The following XYLT1 variants were observed in gnomAD, a reference collection of about 807,000 sequenced individuals.
XYLT1 encodes xylosyltransferase 1.
A neutral mutation model predicts 91.3 loss-of-function variants in XYLT1; 36 were observed. That is an observed-to-expected ratio of 0.39 (90% CI 0.30 to 0.52). XYLT1 has a LOEUF of 0.52. Among genes scored for constraint, XYLT1 ranks in the 20% least tolerant of loss-of-function variants. The pLI is 0.68. For synonymous variants in XYLT1, 588 were observed against 532.0 expected, an observed-to-expected ratio of 1.11 and a Z score of -1.45; for missense variants, 1,242 against 1,284.5, an observed-to-expected ratio of 0.97 and a Z score of 0.51.
At chr16:17,212,367 T>C (rs1420370330) in intron 3 of XYLT1, among the ~76,000 whole-genome samples, 2 of 152,200 alleles carry the variant, frequency 1.3e-5, no homozygotes, top group Non-Finnish European at 2.9e-5. Context: ...ATTAGTTTGG[T>C]GGGCGCAAGT....
At chr16:17,122,012 T>C (rs1045466005) in intron 10 of XYLT1, among the ~76,000 whole-genome samples, 1 of 152,110 alleles carries the variant, frequency 6.6e-6, no homozygotes, top group Non-Finnish European at 1.5e-5. Context: ...TATTCACTGA[T>C]TGATGGGCTG....
intron 1 of XYLT1, among the ~76,000 whole-genome samples, chr16:17,457,921 A>C (rs546478324): frequency 6.6e-6 from 1 of 152,234 alleles, no homozygotes; most frequent in Non-Finnish European, 1.5e-5. Flanking sequence ...TTTCAAAAGG[A>C]AAAAAGAAGA....
intron 1 of XYLT1, among the ~76,000 whole-genome samples, chr16:17,469,599 A>G (rs996800917): frequency 2.0e-5 from 3 of 152,214 alleles, no homozygotes; most frequent in Admixed American, 1.3e-4. Flanking sequence ...ATCTGCGGAA[A>G]AAACAGTTTC....
intron 3 of XYLT1, among the ~76,000 whole-genome samples, chr16:17,214,098 C>T (rs2032811959): frequency 2.0e-5 from 3 of 152,182 alleles, no homozygotes; most frequent in African/African-American, 4.8e-5. Context: ...CCTCTCCTCA[C>T]TTGCATTTCC....
intron 1 of XYLT1, among the ~76,000 whole-genome samples, chr16:17,423,138 C>T (rs561999108): frequency 6.7e-6 from 1 of 149,584 alleles, no homozygotes; most frequent in East Asian, 1.9e-4. Context: ...ATATCCTGGA[C>T]ACCTCGCTGG....
chr16:17,179,169 AG>A (rs2032010738), intron 5 of XYLT1, among the ~76,000 whole-genome samples: 1 of 152,196 alleles, frequency 6.6e-6, no homozygotes, highest in Non-Finnish European at 1.5e-5. Flanking sequence ...CTCGCTTGTA[AG>A]GGGGAGCTAA....
At chr16:17,465,008 G>C (rs1232578594) in intron 1 of XYLT1, among the ~76,000 whole-genome samples, 1 of 151,668 alleles carries the variant, frequency 6.6e-6, no homozygotes, top group East Asian at 1.9e-4. Flanking sequence ...GCCAGGCGTG[G>C]TGGTGCACGC....
chr16:17,276,544 T>G (rs2033978292), intron 2 of XYLT1, among the ~76,000 whole-genome samples: 1 of 152,112 alleles, frequency 6.6e-6, no homozygotes, highest in African/African-American at 2.4e-5. Context: ...AGTTTCAGGG[T>G]GGATATGCAA....
chr16:17,160,663 C>T (rs1451879713), intron 5 of XYLT1, among the ~76,000 whole-genome samples: 1 of 152,132 alleles, frequency 6.6e-6, no homozygotes, highest in Non-Finnish European at 1.5e-5. Flanking sequence ...CAGAGGTGAA[C>T]CCAGGGGATG....
intron 3 of XYLT1, among the ~76,000 whole-genome samples, chr16:17,232,970 T>C (rs2033191017): frequency 6.6e-6 from 1 of 152,186 alleles, no homozygotes; most frequent in African/African-American, 2.4e-5. Context: ...TTTTGTGTCA[T>C]ATTTTTTTAA....
intron 2 of XYLT1, among the ~76,000 whole-genome samples, chr16:17,356,822 C>G (rs1450600615): frequency 6.6e-6 from 1 of 152,028 alleles, no homozygotes; most frequent in Non-Finnish European, 1.5e-5. Flanking sequence ...AATGATTAAT[C>G]CAAAGATAAG....
At chr16:17,451,264 C>T (rs918060452) in intron 1 of XYLT1, among the ~76,000 whole-genome samples, 8 of 152,232 alleles carry the variant, frequency 5.3e-5, no homozygotes, top group African/African-American at 1.7e-4. Context: ...CCCCTGCAGG[C>T]TCTTGTTCCT....
rs112473673 is a variant in XYLT1, at chr16:17,141,414, A to G, written c.1371-45T>C. 1,255 of 1,576,008 alleles carry G rather than the reference A, an allele frequency of 8.0e-4. 13 individuals carry two copies. The African/African-American group carries it at 0.014, about 18-fold the overall frequency. On this transcript the variant is annotated intron_variant, in intron 6 of 11. Coordinates refer to ENST00000261381, the MANE Select transcript of XYLT1 (RefSeq NM_022166.4). ...CCTTAGCCCAGAGGTGTCCTGAAAGACAGAACTCCAGCCAGAGTCCAAATA... is the reference window on the plus strand; with the variant it reads ...CCTTAGCCCAGAGGTGTCCTGAAAGGCAGAACTCCAGCCAGAGTCCAAATA...
chr16:17,405,788 T>C lies in XYLT1; in HGVS notation c.364-47738A>G, dbSNP rs111242104. On this transcript the variant is annotated intron_variant, in intron 1 of 11. Coordinates refer to ENST00000261381, the MANE Select transcript of XYLT1 (RefSeq NM_022166.4). ...AGGCCCTGGGGCCCCTGATGCATGA[T>C]GAGAGTGAAAAGAAGGGCACAGTGA... Among the ~76,000 whole-genome samples, 515 of 152,296 alleles carry C rather than the reference T, an allele frequency of 3.4e-3. 2 individuals are homozygous for C. The highest frequency in any genetic ancestry group is 0.011 in the African/African-American group (469 of 41,564).
chr16:17,162,795 G>A (rs2031587072), intron 5 of XYLT1, among the ~76,000 whole-genome samples: 1 of 152,206 alleles, frequency 6.6e-6, no homozygotes, highest in Non-Finnish European at 1.5e-5. Context: ...TGATGCATGT[G>A]CTCTTTAAAA....
chr16:17,434,031 A>G (rs2036422719), intron 1 of XYLT1, among the ~76,000 whole-genome samples: 1 of 152,150 alleles, frequency 6.6e-6, no homozygotes, highest in Non-Finnish European at 1.5e-5. Context: ...GCATGTATTT[A>G]TGGGACTGGG....
intron 2 of XYLT1, among the ~76,000 whole-genome samples, chr16:17,334,221 A>C (rs921880180): frequency 1.3e-5 from 2 of 152,182 alleles, no homozygotes; most frequent in East Asian, 1.9e-4. Context: ...TCAGCAGCAT[A>C]AACAACTTAG....
chr16:17,368,563 A>T (rs865951752), intron 1 of XYLT1, among the ~76,000 whole-genome samples: 39,819 of 130,120 alleles, frequency 0.31, 5,790 homozygotes, highest in Non-Finnish European at 0.35. Flanking sequence ...GGATAGATAG[A>T]TTTTTTTTTT....
chr16:17,275,437 G>T (rs1222677163), intron 2 of XYLT1, among the ~76,000 whole-genome samples: 1 of 152,178 alleles, frequency 6.6e-6, no homozygotes, highest in Non-Finnish European at 1.5e-5. Flanking sequence ...CTGGAAGAAA[G>T]CAATCACTAA....
Sources: gnomAD v4.1 joint callset for allele counts (sites outside exome capture counted in the v4.1 genomes callset) on GRCh38, gnomAD v4.1.1 for gene constraint, MANE v1.5 for transcripts, NCBI Gene and HGNC (gene_info 2026-07-23, HGNC 2026-07-21) for gene names.